Variants in ADAMTSL1 observed in about 807,000 individuals in gnomAD.
The protein encoded by ADAMTSL1 is ADAMTS like 1, also known as ADAMTS-like protein 1.
Under a neutral mutation model 201.8 loss-of-function variants are expected in ADAMTSL1, and 126 were observed. That is an observed-to-expected ratio of 0.62 (90% CI 0.54 to 0.72). ADAMTSL1 has a LOEUF of 0.72. ADAMTSL1 is among the 30% of genes least tolerant of loss of function. The probability of loss-of-function intolerance (pLI) is 0.00; values close to 1 mark genes in which losing one functional copy is unlikely to be tolerated. For missense variants in ADAMTSL1, 2,679 were observed against 2,277.8 expected (o/e 1.18, Z -3.59); for synonymous variants, 1,121 against 903.4 (o/e 1.24, Z -4.32).
intron 8 of ADAMTSL1, among the ~76,000 whole-genome samples, 153 bp from the exon 9 acceptor site, chr9:18,661,782 A>C (rs1488885182): frequency 6.6e-6 from 1 of 152,234 alleles, no homozygotes; most frequent in Non-Finnish European, 1.5e-5. Context: ...GTCTGCAAAA[A>C]TTAATGAGCC....
intron 13 of ADAMTSL1, among the ~76,000 whole-genome samples, chr9:18,703,620 C>T (rs1162978495): frequency 6.8e-6 from 1 of 147,140 alleles, no homozygotes; most frequent in Non-Finnish European, 1.5e-5. Context: ...ATTTGGGAGA[C>T]ATAAAACAGA....
intron 2 of ADAMTSL1, among the ~76,000 whole-genome samples, chr9:18,521,776 C>G (rs1818708018): frequency 6.6e-6 from 1 of 152,060 alleles, no homozygotes; most frequent in Non-Finnish European, 1.5e-5. Flanking sequence ...TTATTTTAAA[C>G]ACAGAATAAA....
chr9:18,688,689 A>AATATATATATATATATATATATAT, intron 13 of ADAMTSL1, among the ~76,000 whole-genome samples: 28 of 8,596 alleles, frequency 3.3e-3, no homozygotes, highest in South Asian at 6.6e-3. Context: ...AAAAAAAAAA[A>AATATATATATATATATATATATAT]ATATATATAT....
chr9:18,230,177 A>C (rs1830596888), intron 2 of ADAMTSL1, among the ~76,000 whole-genome samples: 1 of 152,204 alleles, frequency 6.6e-6, no homozygotes. Flanking sequence ...CCCAGAGGTG[A>C]GACATCTTTG....
At chr9:18,373,001 G>A (rs138240639) in intron 2 of ADAMTSL1, among the ~76,000 whole-genome samples, 97 of 152,246 alleles carry the variant, frequency 6.4e-4, no homozygotes, top group African/African-American at 1.8e-3. Context: ...GAGTGAGGCT[G>A]GTATCAGGGA....
At chr9:18,886,160 GTATGTGTATA>G (rs1355878997) in intron 23 of ADAMTSL1, among the ~76,000 whole-genome samples, 3 of 29,770 alleles carry the variant, frequency 1.0e-4, no homozygotes, top group African/African-American at 2.3e-4. Flanking sequence ...ATGTGAGTGT[GTATGTGTATA>G]TATATATATA....
chr9:18,333,545 A>C (rs923027610), intron 2 of ADAMTSL1, among the ~76,000 whole-genome samples: 1 of 152,204 alleles, frequency 6.6e-6, no homozygotes, highest in Non-Finnish European at 1.5e-5. Flanking sequence ...CAGCAAGCCA[A>C]TTTTGTAAAA....
intron 13 of ADAMTSL1, among the ~76,000 whole-genome samples, chr9:18,695,579 T>C (rs1831502370): frequency 6.6e-6 from 1 of 152,188 alleles, no homozygotes; most frequent in Admixed American, 6.5e-5. Flanking sequence ...CACTTTCAAG[T>C]TCAAGGTTCA....
rs1819755833 is a variant in ADAMTSL1 at position 18,005,045 on chromosome 9, A to T, written c.87+98123A>T. 2.0e-5 allele frequency among the ~76,000 whole-genome samples: 3 copies of T among 152,144 alleles called. No individual in the cohort carries two copies. The South Asian group carries it at 6.2e-4, about 31-fold the overall frequency. ...TCATGGAATTACTTATTCACAGATG[A>T]GTAAGTAGGTGGTGACAGTGAAGTT... On this transcript the variant is annotated intron_variant, in intron 1 of 29. Transcript: ENST00000680146.
chr9:18,015,817 G>A (rs1280283850), intron 1 of ADAMTSL1, among the ~76,000 whole-genome samples: 1 of 151,908 alleles, frequency 6.6e-6, no homozygotes, highest in Non-Finnish European at 1.5e-5. Context: ...ATGAGATTAG[G>A]ATAAGAGAGG....
intron 1 of ADAMTSL1, among the ~76,000 whole-genome samples, chr9:17,997,413 AC>A (rs1222152786): frequency 1.3e-5 from 2 of 152,094 alleles, no homozygotes; most frequent in African/African-American, 2.4e-5. Context: ...GCAAGGGAAT[AC>A]ACATGTATCA....
Position 18,625,838 on chromosome 9 carries a change from A to G in ADAMTSL1, c.601+3469A>G, listed in dbSNP as rs144188873. ...AAAGCTCTCTCTCTACCTTTCTTGC[A>G]TGGTGAGGTCACTTAACTCACTTAT... On this transcript the variant is annotated intron_variant, in intron 5 of 28. Transcript: ENST00000380548. Among the ~76,000 whole-genome samples the G allele has an allele frequency of 6.0e-3, 920 of 152,344 alleles. 3 individuals carry two copies. Among genetic ancestry groups the G allele is most frequent in the Non-Finnish European group, 9.6e-3 (650 of 68,036 alleles).
chr9:18,467,146 A>T (rs10810972), intron 2 of ADAMTSL1, among the ~76,000 whole-genome samples: 3 of 152,044 alleles, frequency 2.0e-5, no homozygotes, highest in East Asian at 3.9e-4. Flanking sequence ...GCTTTCACAG[A>T]ATTTACAATC....
chr9:18,728,470 A>AC (rs111294953), intron 15 of ADAMTSL1, among the ~76,000 whole-genome samples: 97 of 151,808 alleles, frequency 6.4e-4, no homozygotes, highest in African/African-American at 8.9e-4. Flanking sequence ...AGAAAAAAAA[A>AC]ACACACACAC....
At chr9:18,652,656 C>T (rs1385622640) in intron 7 of ADAMTSL1, among the ~76,000 whole-genome samples, 1 of 152,110 alleles carries the variant, frequency 6.6e-6, no homozygotes, top group Non-Finnish European at 1.5e-5. Flanking sequence ...CCAATTGTAG[C>T]CCAGCACATT....
In ADAMTSL1 at chr9:18,892,611, A is replaced by C; in HGVS notation, c.4851+15A>C. 1 of 1,551,052 alleles carries C rather than the reference A, an allele frequency of 6.4e-7. No homozygotes were observed. The highest frequency in any genetic ancestry group is 8.7e-7 in the Non-Finnish European group (1 of 1,147,036). On this transcript the variant is annotated intron_variant, in intron 26 of 28. Transcript: ENST00000380548. Reference sequence around the variant, plus strand: ...GCTGGGGCCAGGTGAGGAGCCAGAGAGGTTGTTATTTGAAAGCTAAATCTA... The same window carrying C: ...GCTGGGGCCAGGTGAGGAGCCAGAGCGGTTGTTATTTGAAAGCTAAATCTA...
intron 15 of ADAMTSL1, among the ~76,000 whole-genome samples, chr9:18,744,903 T>C (rs1278234394): frequency 6.6e-6 from 1 of 152,180 alleles, no homozygotes; most frequent in Non-Finnish European, 1.5e-5. Flanking sequence ...GCTTGATGTT[T>C]TCTTGTGATT....
At chr9:18,562,682 A>G (rs565558552) in intron 3 of ADAMTSL1, among the ~76,000 whole-genome samples, 1 of 152,112 alleles carries the variant, frequency 6.6e-6, no homozygotes, top group Non-Finnish European at 1.5e-5. Flanking sequence ...CTTTTCACAT[A>G]GTTCCATATT....
intron 1 of ADAMTSL1, among the ~76,000 whole-genome samples, chr9:17,987,173 T>C (rs978798295): frequency 9.2e-5 from 14 of 152,068 alleles, no homozygotes; most frequent in Non-Finnish European, 1.6e-4. Flanking sequence ...GTTTTACATT[T>C]AGGAATCTAA....
Sources: allele counts gnomAD v4.1 joint callset (sites outside exome capture counted in the v4.1 genomes callset), GRCh38; gene constraint gnomAD v4.1.1; transcripts MANE v1.5; gene names NCBI Gene and HGNC (gene_info 2026-07-23, HGNC 2026-07-21).